Variants in DLG1 observed in about 807,000 individuals in gnomAD.
The protein encoded by DLG1 is discs large MAGUK scaffold protein 1, also known as disks large homolog 1.
A neutral mutation model predicts 123.4 loss-of-function variants in DLG1; 42 were observed. That is an observed-to-expected ratio of 0.34 (90% CI 0.27 to 0.44). The LOEUF (loss-of-function observed/expected upper bound fraction) is 0.44. DLG1 is among the 20% of genes least tolerant of loss of function. The pLI is 1.00. For missense variants in DLG1, 942 were observed against 1,082.6 expected (o/e 0.87, Z 1.82); for synonymous variants, 317 against 356.2 (o/e 0.89, Z 1.24).
chr3:197,183,915 T>C lies in DLG1; in HGVS notation c.483+10510A>G, dbSNP rs1009469681. On this transcript the variant is annotated intron_variant, in intron 5 of 24. Transcript: ENST00000667157. ...GCTACAATTACAGCAGCATCACTTGTAGATCAGTGAAAATAAAAACCTTGA... is the reference window on the plus strand; with the variant it reads ...GCTACAATTACAGCAGCATCACTTGCAGATCAGTGAAAATAAAAACCTTGA... 10 of 1,450,270 alleles carry C rather than the reference T, an allele frequency of 6.9e-6. No homozygotes were observed. In the Admixed American group the frequency reaches 1.1e-4, roughly 16 times the overall value. 89.8% of individuals were successfully genotyped at this position (1,450,270 alleles called of 1,614,324 possible). A position where few individuals can be genotyped will look rare whatever the true frequency, so the allele number is the denominator to read the frequency against.
chr3:197,148,644 C>G (rs1293149859), intron 6 of DLG1, among the ~76,000 whole-genome samples: 1 of 151,980 alleles, frequency 6.6e-6, no homozygotes, highest in African/African-American at 2.4e-5. Context: ...TGAAGTTGGA[C>G]CTCTACTTCA....
chr3:197,256,113 A>G lies in DLG1; in HGVS notation c.318+26566T>C, dbSNP rs561406005. Among the ~76,000 whole-genome samples the G allele has an allele frequency of 2.6e-5, 4 of 152,362 alleles. No homozygotes were observed. In the South Asian group the frequency reaches 8.3e-4, roughly 32 times the overall value. On this transcript the variant is annotated intron_variant, in intron 4 of 24. Transcript: ENST00000667157. ...ACATGCTAGCTTTATTTGGCATTCTATGTGTCCTATAAAAATCTGTTTAAA... is the reference window on the plus strand; with the variant it reads ...ACATGCTAGCTTTATTTGGCATTCTGTGTGTCCTATAAAAATCTGTTTAAA...
At chr3:197,280,499 C>G (rs1185137362) in intron 4 of DLG1, among the ~76,000 whole-genome samples, 1 of 152,154 alleles carries the variant, frequency 6.6e-6, no homozygotes, top group East Asian at 1.9e-4. Flanking sequence ...TTCTCTTGGA[C>G]AGATACCCAC....
intron 3 of DLG1, among the ~76,000 whole-genome samples, chr3:197,283,202 C>T (rs908797534): frequency 1.2e-4 from 19 of 152,278 alleles, no homozygotes; most frequent in African/African-American, 4.6e-4. Context: ...ATATAAGATG[C>T]CTAGCACTAT....
chr3:197,233,586 T>C (rs1744405249), intron 4 of DLG1, among the ~76,000 whole-genome samples: 1 of 152,210 alleles, frequency 6.6e-6, no homozygotes, highest in Non-Finnish European at 1.5e-5. Flanking sequence ...GGTTTCACCA[T>C]GTTGGCCAGG....
In DLG1 at chr3:197,252,931, T is replaced by C. The variant is rs1167042178; in HGVS notation, c.318+29748A>G. On this transcript the variant is annotated intron_variant, in intron 4 of 24. Transcript: ENST00000667157. ...ATAATAAATTGTATGTTATGTATAT[T>C]TTACCACAATAAAAAAAATACTAAC... Among the ~76,000 whole-genome samples, 4 of 152,194 alleles carry C rather than the reference T, an allele frequency of 2.6e-5. No individual in the cohort carries two copies. In the East Asian group the frequency reaches 7.7e-4, roughly 29 times the overall value.
At chr3:197,122,455 C>T (rs914342881) in intron 11 of DLG1, among the ~76,000 whole-genome samples, 4 of 151,824 alleles carry the variant, frequency 2.6e-5, no homozygotes, top group Non-Finnish European at 5.9e-5. Context: ...CTTACCAATG[C>T]ATCAGACAAG....
In DLG1 at chr3:197,211,743, T is replaced by G. The variant is rs571887205; in HGVS notation, c.319-17154A>C. Among the ~76,000 whole-genome samples the G allele has an allele frequency of 6.4e-4, 94 of 146,342 alleles. 1 individual carries two copies. Among genetic ancestry groups the G allele is most frequent in the African/African-American group, 2.3e-3 (94 of 41,154 alleles). ...GCAGAACTACCATTTGACCCAGCAA[T>G]CCCATTACTGGTTATATACCTAGAG... On this transcript the variant is annotated intron_variant, in intron 4 of 24. Coordinates refer to ENST00000667157, the MANE Select transcript of DLG1 (RefSeq NM_001366207.1).
chr3:197,208,955 T>C (rs1729992416), intron 4 of DLG1, among the ~76,000 whole-genome samples: 1 of 146,020 alleles, frequency 6.8e-6, no homozygotes, highest in African/African-American at 2.4e-5. Flanking sequence ...TTACAGGAGA[T>C]ACTGGTACAC....
At chr3:197,297,969 C>T (rs1778338024) in intron 1 of DLG1, 6 of 977,532 alleles carry the variant, frequency 6.1e-6, no homozygotes, top group Non-Finnish European at 7.3e-6. Flanking sequence ...CGCCGCACCC[C>T]CGCGGCCTCG....
chr3:197,065,637 C>A (rs933467808), intron 21 of DLG1, 71 bp downstream of exon 21: 1 of 1,182,048 alleles, frequency 8.5e-7, no homozygotes. Flanking sequence ...ATGGTTATAT[C>A]TATTTTTCCC....
chr3:197,136,111 C>T (rs963877291), intron 10 of DLG1, among the ~76,000 whole-genome samples: 1 of 152,066 alleles, frequency 6.6e-6, no homozygotes, highest in Non-Finnish European at 1.5e-5. Flanking sequence ...CCACCACACC[C>T]GGCCTGATTA....
At chr3:197,269,603 T>G (rs1321040766) in intron 4 of DLG1, among the ~76,000 whole-genome samples, 2 of 152,222 alleles carry the variant, frequency 1.3e-5, no homozygotes, top group African/African-American at 2.4e-5. Context: ...TCAGTTTTTC[T>G]ATAGGTTAAT....
intron 6 of DLG1, among the ~76,000 whole-genome samples, chr3:197,147,321 GAA>G (rs1198057494): frequency 6.6e-6 from 1 of 152,000 alleles, no homozygotes; most frequent in East Asian, 1.9e-4. Context: ...GTCATTATAT[GAA>G]AAAGATACTT....
At chr3:197,268,837 A>AT (rs1230866977) in intron 4 of DLG1, among the ~76,000 whole-genome samples, 6 of 151,534 alleles carry the variant, frequency 4.0e-5, no homozygotes, top group Admixed American at 6.6e-5. Context: ...GCTTTTTTCT[A>AT]TTTTTTAATT....
chr3:197,243,961 A>G (rs1386961709), intron 4 of DLG1, among the ~76,000 whole-genome samples: 1 of 152,208 alleles, frequency 6.6e-6, no homozygotes, highest in Non-Finnish European at 1.5e-5. Flanking sequence ...AGTGAAAGGG[A>G]TATCCAATTG....
intron 5 of DLG1, among the ~76,000 whole-genome samples, chr3:197,151,061 C>T (rs1793613681): frequency 6.6e-6 from 1 of 152,110 alleles, no homozygotes; most frequent in African/African-American, 2.4e-5. Flanking sequence ...TTAAGCAAAG[C>T]TACCCAACTT....
intron 11 of DLG1, among the ~76,000 whole-genome samples, chr3:197,124,774 T>C (rs145769514): frequency 1.3e-5 from 2 of 152,054 alleles, no homozygotes; most frequent in Admixed American, 1.3e-4. Flanking sequence ...AGTCTTAACA[T>C]GGTAGGAAAA....
chr3:197,235,407 A>C (rs898408199), intron 4 of DLG1, among the ~76,000 whole-genome samples: 4 of 152,240 alleles, frequency 2.6e-5, no homozygotes, highest in Non-Finnish European at 1.5e-5. Context: ...AAAATTCAAC[A>C]AGGCCAGGCA....
Sources: allele counts gnomAD v4.1 joint callset (sites outside exome capture counted in the v4.1 genomes callset), GRCh38; gene constraint gnomAD v4.1.1; transcripts MANE v1.5; gene names NCBI Gene and HGNC (gene_info 2026-07-23, HGNC 2026-07-21).